LARGE1: variants seen among roughly 807,000 people sequenced by gnomAD.
The protein encoded by LARGE1 is xylosyl- and glucuronyltransferase LARGE1.
Under a neutral mutation model 87.6 loss-of-function variants are expected in LARGE1, and 43 were observed. The ratio of observed to expected loss-of-function variants is 0.49; its 90% CI spans 0.38 to 0.63. The LOEUF is 0.63. LARGE1 is among the 30% of genes least tolerant of loss of function. LARGE1 has a pLI of 0.00. For missense variants in LARGE1, 802 were observed against 1,000.2 expected, an observed-to-expected ratio of 0.80 and a Z score of 2.67; for synonymous variants, 434 against 394.6, an observed-to-expected ratio of 1.10 and a Z score of -1.18.
intron 6 of LARGE1, among the ~76,000 whole-genome samples, chr22:33,487,104 GC>G (rs1164035012): frequency 2.0e-5 from 3 of 152,064 alleles, no homozygotes; most frequent in Admixed American, 6.5e-5. Context: ...CAAGCTTCCC[GC>G]CCCAACAAAC....
chr22:33,434,325 G>A (rs1282141672), intron 6 of LARGE1, among the ~76,000 whole-genome samples: 2 of 152,138 alleles, frequency 1.3e-5, no homozygotes, highest in African/African-American at 2.4e-5. Flanking sequence ...TTTTTGAGAC[G>A]TAGTCTCGCT....
intron 6 of LARGE1, among the ~76,000 whole-genome samples, chr22:33,548,852 T>A (rs1309779038): frequency 6.6e-6 from 1 of 152,234 alleles, no homozygotes; most frequent in East Asian, 1.9e-4. Context: ...CTCTTTTATC[T>A]CATAAGAATT....
At chr22:33,796,087 T>A (rs1296698119) in intron 1 of LARGE1, among the ~76,000 whole-genome samples, 1 of 151,974 alleles carries the variant, frequency 6.6e-6, no homozygotes, top group Admixed American at 6.6e-5. Flanking sequence ...TTGATGCAAG[T>A]CAATTGACAT....
At chr22:33,111,660 G>A in the LARGE1 span, among the ~76,000 whole-genome samples, 13 of 152,244 alleles carry the variant, frequency 8.5e-5, no homozygotes, top group South Asian at 1.7e-3. Context: ...TCACAGTGTC[G>A]AGTCAGAGAG....
rs1287027313 is a variant in LARGE1 at position 33,626,272 on chromosome 22, T to C, written c.463A>G (p.Thr155Ala). Reference sequence around the variant, plus strand: ...TGGAACAGGACGGATTTGACCAGGGTGACGACATCCCGGCTGGCATTGTAT... The same window carrying C: ...TGGAACAGGACGGATTTGACCAGGGCGACGACATCCCGGCTGGCATTGTAT... ...AGYNASRDVVTLVKSVLFHRR... is the reference protein window; with the variant it reads ...AGYNASRDVVALVKSVLFHRR... Residue 155 changes from threonine to alanine, a missense_variant, in exon 4 of 15, where the codon ACC becomes GCC. Physicochemically the swap from Thr to Ala is moderately conservative, Grantham distance 58. Coordinates refer to ENST00000397394, the MANE Select transcript of LARGE1 (RefSeq NM_133642.5). The C allele has an allele frequency of 1.2e-6, 2 of 1,613,948 alleles. No homozygotes were observed. The highest frequency in any genetic ancestry group is 2.7e-5 in the African/African-American group (2 of 74,888).
chr22:33,580,849 T>C (rs1432183788), intron 5 of LARGE1, among the ~76,000 whole-genome samples: 3 of 152,154 alleles, frequency 2.0e-5, no homozygotes, highest in African/African-American at 4.8e-5. Context: ...CCCACTGGGG[T>C]TCTTGAATTC....
chr22:33,911,976 A>C (rs1334855558), intron 1 of LARGE1, among the ~76,000 whole-genome samples: 1 of 152,210 alleles, frequency 6.6e-6, no homozygotes, highest in Non-Finnish European at 1.5e-5. Flanking sequence ...CCATTCATTC[A>C]CAAAACAAAT....
intron 2 of LARGE1, among the ~76,000 whole-genome samples, chr22:33,742,669 G>A (rs2083929957): frequency 6.6e-6 from 1 of 152,198 alleles, no homozygotes; most frequent in Non-Finnish European, 1.5e-5. Context: ...AAACCACGCA[G>A]ATGCTTCAGC....
At chr22:33,103,065 A>G in the LARGE1 span, among the ~76,000 whole-genome samples, 1 of 151,852 alleles carries the variant, frequency 6.6e-6, no homozygotes, top group Non-Finnish European at 1.5e-5. Flanking sequence ...GCCTTACATA[A>G]TCCTTGGGCC....
intron 9 of LARGE1, among the ~76,000 whole-genome samples, chr22:33,364,721 G>A (rs2064521761): frequency 6.6e-6 from 1 of 152,128 alleles, no homozygotes; most frequent in African/African-American, 2.4e-5. Context: ...GCATATGTCA[G>A]TTTTTTGTTT....
At position 33,757,531 on chromosome 22, in the gene LARGE1, C is replaced by T. The variant is rs181491786; in HGVS notation, c.106+3840G>A. 5.5e-4 allele frequency among the ~76,000 whole-genome samples: 83 copies of T among 152,244 alleles called. 1 individual carries two copies. The highest frequency in any genetic ancestry group is 9.0e-4 in the Non-Finnish European group (61 of 68,000). On this transcript the variant is annotated intron_variant, in intron 2 of 14. Coordinates refer to ENST00000397394, the MANE Select transcript of LARGE1 (RefSeq NM_133642.5). ...TGATTTGAGATCCTGAGACAGCTGA[C>T]CCCCTCCAGGGCTCTCTCAATATAT...
rs558801236 is a variant in LARGE1 at position 33,558,996 on chromosome 22, T to C, written c.787+5852A>G. On this transcript the variant is annotated intron_variant, in intron 6 of 14. Coordinates refer to ENST00000397394, the MANE Select transcript of LARGE1 (RefSeq NM_133642.5). ...CAAAGACCCCGTTAGCATTATTCCT[T>C]CTCTGAGCCTAAATCAACTAAGATA... Among the ~76,000 whole-genome samples, 7 of 152,306 alleles carry C rather than the reference T, an allele frequency of 4.6e-5. No individual in the cohort carries two copies. The East Asian group carries it at 1.3e-3, about 29-fold the overall frequency.
At chr22:33,183,107 A>G (rs1405060756) in intron 11 of LARGE1, among the ~76,000 whole-genome samples, 4 of 151,832 alleles carry the variant, frequency 2.6e-5, no homozygotes, top group Non-Finnish European at 4.4e-5. Context: ...TATATGATAT[A>G]TAAGATATAT....
intron 1 of LARGE1, among the ~76,000 whole-genome samples, chr22:33,844,494 G>A (rs778452233): frequency 3.7e-4 from 57 of 152,234 alleles, no homozygotes; most frequent in Admixed American, 1.4e-3. Flanking sequence ...CACTTAGGAC[G>A]ATCAGGCAGC....
intron 6 of LARGE1, among the ~76,000 whole-genome samples, chr22:33,466,979 T>C (rs958788487): frequency 2.0e-5 from 3 of 152,078 alleles, no homozygotes; most frequent in Admixed American, 6.6e-5. Flanking sequence ...GAGGTGGAGG[T>C]TGCAGTGAGC....
intron 11 of LARGE1, among the ~76,000 whole-genome samples, chr22:33,312,676 CAGTGATGGTTG>C (rs1316127040): frequency 6.6e-6 from 1 of 152,084 alleles, no homozygotes. Context: ...AACAGAGAGC[CAGTGATGGTTG>C]GAGAAATGGG....
intron 10 of LARGE1, among the ~76,000 whole-genome samples, chr22:33,332,952 G>C (rs560591355): frequency 1.3e-5 from 2 of 151,580 alleles, no homozygotes; most frequent in Non-Finnish European, 2.9e-5. Flanking sequence ...CATTCCCACC[G>C]CAACTGTCCT....
In LARGE1 at chr22:33,189,615, A is replaced by G. The variant is rs1329750777; in HGVS notation, c.1731-22783T>C. Among the ~76,000 whole-genome samples the G allele has an allele frequency of 2.0e-5, 3 of 152,150 alleles. No individual in the cohort carries two copies. In the East Asian group the frequency reaches 5.8e-4, roughly 29 times the overall value. On this transcript the variant is annotated intron_variant, in intron 11 of 11. Transcript: ENST00000608642. ...TTAACAGATCTTTGTAAAATTTGTGAGTGGTTCCAATAATGAAGACTGCCA... is the reference window on the plus strand; with the variant it reads ...TTAACAGATCTTTGTAAAATTTGTGGGTGGTTCCAATAATGAAGACTGCCA...
chr22:33,697,938 G>T (rs2082300412), intron 2 of LARGE1, among the ~76,000 whole-genome samples: 1 of 152,186 alleles, frequency 6.6e-6, no homozygotes, highest in Non-Finnish European at 1.5e-5. Context: ...ATATCTTTCT[G>T]CCATGCCTTG....
Sources: gnomAD v4.1 joint callset for allele counts (sites outside exome capture counted in the v4.1 genomes callset) on GRCh38, gnomAD v4.1.1 for gene constraint, MANE v1.5 for transcripts, NCBI Gene and HGNC (gene_info 2026-07-23, HGNC 2026-07-21) for gene names.